The following NEBL variants were observed in gnomAD, a reference collection of about 807,000 sequenced individuals.
The protein encoded by NEBL is nebulette.
Under a neutral mutation model 140.2 loss-of-function variants are expected in NEBL, and 122 were observed. That is an observed-to-expected ratio of 0.87 (90% CI 0.75 to 1.01). The LOEUF is 1.01. NEBL is among the 50% of genes least tolerant of loss of function. The pLI is 0.00. For missense variants in NEBL, 1,365 were observed against 1,231.3 expected (o/e 1.11, Z -1.62); for synonymous variants, 436 against 398.9 (o/e 1.09, Z -1.11).
Position 20,845,441 on chromosome 10 carries a change from T to G in NEBL, c.1117-73A>C, listed in dbSNP as rs978787296. The G allele has an allele frequency of 3.1e-6, 3 of 952,822 alleles. No homozygotes were observed. In the African/African-American group the frequency reaches 4.9e-5, roughly 15 times the overall value. 59.0% of individuals were successfully genotyped at this position (952,822 alleles called of 1,614,324 possible). A position where few individuals can be genotyped will look rare whatever the true frequency, so the allele number is the denominator to read the frequency against. On this transcript the variant is annotated intron_variant, in intron 11 of 27. Transcript: ENST00000377122. ...CATTGAAAAGAGATTTGAACAAGAG[T>G]TCCCAGAACAAAAATGATGTTTTCT...
At chr10:21,219,983 G>A (rs188837203) in intron 3 of NEBL, among the ~76,000 whole-genome samples, 25 of 151,364 alleles carry the variant, frequency 1.7e-4, no homozygotes, top group Non-Finnish European at 2.8e-4. Flanking sequence ...GGACGATCTC[G>A]GCTCACTGCA....
intron 3 of NEBL, among the ~76,000 whole-genome samples, chr10:20,977,437 G>C (rs1836850931): frequency 6.6e-6 from 1 of 152,100 alleles, no homozygotes; most frequent in Admixed American, 6.6e-5. Context: ...TCTAGTTATA[G>C]TACAAATAGA....
At chr10:20,874,341 T>A (rs74123511) in intron 5 of NEBL, among the ~76,000 whole-genome samples, 2 of 152,076 alleles carry the variant, frequency 1.3e-5, no homozygotes, top group African/African-American at 2.4e-5. Context: ...AGATACCCCA[T>A]CCATTTGGAA....
At chr10:20,969,458 G>T (rs1836468257) in intron 3 of NEBL, among the ~76,000 whole-genome samples, 1 of 138,414 alleles carries the variant, frequency 7.2e-6, no homozygotes, top group Admixed American at 7.0e-5. Context: ...CAGATTTGGG[G>T]TTCTTTTACT....
At chr10:21,278,761 C>A (rs1842955135) in intron 1 of NEBL, among the ~76,000 whole-genome samples, 1 of 152,146 alleles carries the variant, frequency 6.6e-6, no homozygotes. Flanking sequence ...GGATTTGAGG[C>A]CCAGAGAAGT....
intron 2 of NEBL, among the ~76,000 whole-genome samples, chr10:21,152,212 A>T (rs1302156819): frequency 6.6e-6 from 1 of 152,154 alleles, no homozygotes; most frequent in Admixed American, 6.5e-5. Flanking sequence ...TCCATGATGG[A>T]TTCTCTTTCG....
intron 3 of NEBL, among the ~76,000 whole-genome samples, 168 bp from the exon 4 acceptor site, chr10:20,888,375 G>C (rs1196887912): frequency 1.3e-5 from 2 of 152,176 alleles, no homozygotes; most frequent in Admixed American, 1.3e-4. Context: ...GGATTCTGAA[G>C]AGATAGAAAT....
intron 2 of NEBL, among the ~76,000 whole-genome samples, chr10:21,118,145 C>T (rs967368284): frequency 6.6e-6 from 1 of 152,266 alleles, no homozygotes; most frequent in Admixed American, 6.5e-5. Flanking sequence ...CTACAGCCTA[C>T]ACCTGAACTG....
chr10:21,083,092 A>G lies in NEBL; in HGVS notation c.165-62891T>C, dbSNP rs865841382. ...GCACCCTTTCTTTGGTGACTGTTTC[A>G]TTAAGCAGGAGCGCAGTGCTGAGGA... On this transcript the variant is annotated intron_variant, in intron 2 of 6. Coordinates refer to the NEBL transcript ENST00000417816. Among the ~76,000 whole-genome samples, 7 of 152,304 alleles carry G rather than the reference A, an allele frequency of 4.6e-5. No individual in the cohort carries two copies. The Middle Eastern group carries it at 0.01, about 222-fold the overall frequency.
intron 2 of NEBL, among the ~76,000 whole-genome samples, chr10:21,022,358 G>A (rs1838832853): frequency 6.6e-6 from 1 of 152,182 alleles, no homozygotes; most frequent in African/African-American, 2.4e-5. Flanking sequence ...CCCATGAGAA[G>A]GCTGATGCAG....
chr10:21,268,834 T>A (rs1028851264), intron 1 of NEBL, among the ~76,000 whole-genome samples: 4 of 152,058 alleles, frequency 2.6e-5, no homozygotes, highest in Non-Finnish European at 5.9e-5. Context: ...CAAAAAAATT[T>A]AAAAAAATTT....
At chr10:21,206,234 G>A (rs1305577652) in intron 3 of NEBL, among the ~76,000 whole-genome samples, 1 of 152,184 alleles carries the variant, frequency 6.6e-6, no homozygotes, top group East Asian at 1.9e-4. Context: ...ATCCTAAGGA[G>A]ACAGAATTAA....
intron 3 of NEBL, among the ~76,000 whole-genome samples, chr10:21,192,247 A>G (rs1841585652): frequency 1.3e-5 from 2 of 149,838 alleles, no homozygotes. Flanking sequence ...GCTGGGGTGC[A>G]GTGGCACGAT....
intron 4 of NEBL, among the ~76,000 whole-genome samples, chr10:20,934,161 C>A (rs992603643): frequency 3.9e-5 from 6 of 152,176 alleles, no homozygotes; most frequent in Non-Finnish European, 7.3e-5. Context: ...CAAGACTTCA[C>A]AGACAGGTCT....
chr10:20,998,761 A>C (rs1216751000), intron 3 of NEBL, among the ~76,000 whole-genome samples: 1 of 152,138 alleles, frequency 6.6e-6, no homozygotes. Flanking sequence ...CAACATGTCA[A>C]CTCTGACACC....
intron 2 of NEBL, among the ~76,000 whole-genome samples, chr10:21,155,135 G>T (rs894043412): frequency 6.6e-6 from 1 of 152,096 alleles, no homozygotes; most frequent in Non-Finnish European, 1.5e-5. Flanking sequence ...GGAGGCAGAG[G>T]TTGCAGTGAG....
In NEBL at chr10:20,992,908, G is replaced by C. The variant is rs527419595; in HGVS notation, c.249+27209C>G. ...TTCTCCCACCTCAGCCTCCCCAGTA[G>C]CTGGGACTACAGGCGCCCGCCACCA... On this transcript the variant is annotated intron_variant, in intron 3 of 6. Coordinates refer to the NEBL transcript ENST00000417816. Among the ~76,000 whole-genome samples, 5 of 149,464 alleles carry C rather than the reference G, an allele frequency of 3.3e-5. No homozygotes were observed. In the South Asian group the frequency reaches 1.1e-3, roughly 32 times the overall value.
intron 3 of NEBL, among the ~76,000 whole-genome samples, chr10:20,966,810 CA>C (rs1836335746): frequency 6.6e-6 from 1 of 152,178 alleles, no homozygotes; most frequent in African/African-American, 2.4e-5. Flanking sequence ...TATAAAACAT[CA>C]GTAAATGGAG....
At chr10:21,060,324 G>C in intron 2 of NEBL, among the ~76,000 whole-genome samples, 1 of 152,066 alleles carries the variant, frequency 6.6e-6, no homozygotes, top group East Asian at 1.9e-4. Context: ...CAAAACAAAA[G>C]AGGGGGTTTC....
Sources: allele counts gnomAD v4.1 joint callset (sites outside exome capture counted in the v4.1 genomes callset), GRCh38; gene constraint gnomAD v4.1.1; transcripts MANE v1.5; gene names NCBI Gene and HGNC (gene_info 2026-07-23, HGNC 2026-07-21).